KIAA1217: variants seen among roughly 807,000 people sequenced by gnomAD.
The protein encoded by KIAA1217 is KIAA1217, also known as sickle tail protein homolog.
Under a neutral mutation model 163.9 loss-of-function variants are expected in KIAA1217, and 88 were observed. The ratio of observed to expected loss-of-function variants is 0.54; its 90% CI spans 0.45 to 0.64. KIAA1217 has a LOEUF of 0.64. Ranked by LOEUF, KIAA1217 falls within the 30% of genes least tolerant of loss-of-function variation. The pLI, the probability that KIAA1217 is intolerant of heterozygous loss-of-function variation, is 0.00. For missense variants in KIAA1217, 2,372 were observed against 2,475.0 expected (o/e 0.96, Z 0.88); for synonymous variants, 903 against 923.1 (o/e 0.98, Z 0.39).
intron 2 of KIAA1217, among the ~76,000 whole-genome samples, chr10:24,023,994 C>A (rs1393746901): frequency 6.6e-6 from 1 of 151,242 alleles, no homozygotes; most frequent in Non-Finnish European, 1.5e-5. Context: ...AATGCTAGAG[C>A]CTTCTGAGAG....
intron 1 of KIAA1217, among the ~76,000 whole-genome samples, chr10:23,815,853 C>T (rs778098756): frequency 9.9e-5 from 15 of 152,050 alleles, no homozygotes; most frequent in Non-Finnish European, 1.3e-4. Context: ...TTAGTGGAGT[C>T]GATTCTTTTG....
intron 2 of KIAA1217, among the ~76,000 whole-genome samples, chr10:24,154,533 G>T (rs1434242949): frequency 1.3e-5 from 2 of 152,148 alleles, no homozygotes; most frequent in Admixed American, 6.5e-5. Flanking sequence ...ATTGTGTGAT[G>T]CTGCATACCT....
intron 17 of KIAA1217, among the ~76,000 whole-genome samples, chr10:24,539,646 G>A (rs1256405426): frequency 2.0e-5 from 3 of 152,158 alleles, no homozygotes; most frequent in Non-Finnish European, 4.4e-5. Context: ...TTTATTGAGT[G>A]CCCAACACTG....
chr10:23,982,462 A>G (rs1363477184), intron 1 of KIAA1217, among the ~76,000 whole-genome samples: 1 of 150,798 alleles, frequency 6.6e-6, no homozygotes, highest in African/African-American at 2.4e-5. Context: ...ATTTCCCTAA[A>G]GTCTTGTGTT....
At chr10:24,321,400 G>A (rs549801973) in intron 2 of KIAA1217, among the ~76,000 whole-genome samples, 4 of 152,084 alleles carry the variant, frequency 2.6e-5, no homozygotes, top group Non-Finnish European at 5.9e-5. Context: ...TTAACTGGGC[G>A]TAGTGGTGCA....
At chr10:24,422,193 A>C (rs554842679) in intron 3 of KIAA1217, among the ~76,000 whole-genome samples, 10 of 152,232 alleles carry the variant, frequency 6.6e-5, no homozygotes, top group African/African-American at 2.4e-4. Flanking sequence ...TGATTCAGTT[A>C]CCTCCCACCA....
chr10:23,800,948 C>T (rs980079427), intron 1 of KIAA1217, among the ~76,000 whole-genome samples: 3 of 152,076 alleles, frequency 2.0e-5, no homozygotes, highest in African/African-American at 7.2e-5. Context: ...CCGGAAATAC[C>T]ATTTGACCTA....
intron 2 of KIAA1217, among the ~76,000 whole-genome samples, chr10:24,107,101 G>A (rs919743304): frequency 2.0e-5 from 3 of 152,162 alleles, no homozygotes; most frequent in Non-Finnish European, 2.9e-5. Flanking sequence ...TGCACTCAGT[G>A]TTTAGCTCCC....
chr10:23,971,071 A>T (rs1234973301), intron 1 of KIAA1217, among the ~76,000 whole-genome samples: 2 of 152,218 alleles, frequency 1.3e-5, no homozygotes, highest in African/African-American at 4.8e-5. Context: ...AGGGTCTTAC[A>T]TGTTGGCATA....
chr10:23,795,757 G>A lies in KIAA1217; in HGVS notation c.-321+100523G>A, dbSNP rs144251841. Among the ~76,000 whole-genome samples the A allele has an allele frequency of 5.0e-3, 756 of 152,242 alleles. 4 individuals are homozygous for A. The highest frequency in any genetic ancestry group is 0.014 in the Middle Eastern group (4 of 294). ...AACAAAGAGTGGTAGTCAGAGTTCA[G>A]TCCATAGTTCCCCCTTTTCTGAGGT... is the stretch of plus-strand genomic sequence containing the variant. On this transcript the variant is annotated intron_variant, in intron 1 of 18. Transcript: ENST00000376462.
intron 1 of KIAA1217, among the ~76,000 whole-genome samples, chr10:23,849,370 GA>G (rs1839194318): frequency 6.6e-6 from 1 of 152,042 alleles, no homozygotes; most frequent in Admixed American, 6.6e-5. Flanking sequence ...TAGTTCTGGT[GA>G]AAAGTTCTTT....
intron 2 of KIAA1217, among the ~76,000 whole-genome samples, chr10:24,031,204 C>A (rs1156455046): frequency 6.6e-6 from 1 of 152,134 alleles, no homozygotes; most frequent in African/African-American, 2.4e-5. Context: ...TCTATTGTTT[C>A]TGTTTTTTGT....
intron 3 of KIAA1217, among the ~76,000 whole-genome samples, chr10:24,410,800 C>A (rs2057698491): frequency 6.6e-6 from 1 of 152,212 alleles, no homozygotes; most frequent in African/African-American, 2.4e-5. Context: ...ATTGCCCTTG[C>A]ATTTTGTTTT....
chr10:24,530,822 G>A (rs2073008449), intron 14 of KIAA1217, among the ~76,000 whole-genome samples: 1 of 152,178 alleles, frequency 6.6e-6, no homozygotes, highest in South Asian at 2.1e-4. Context: ...CTTGAGCCCA[G>A]GAGTTTGAGG....
intron 1 of KIAA1217, among the ~76,000 whole-genome samples, chr10:23,732,798 C>A (rs1838550477): frequency 6.6e-6 from 1 of 152,030 alleles, no homozygotes; most frequent in African/African-American, 2.4e-5. Context: ...CTAAGCATTA[C>A]TTTTGTTGTA....
Position 23,983,322 on chromosome 10 carries a change from G to C in KIAA1217, c.-320-23903G>C, listed in dbSNP as rs557983546. Among the ~76,000 whole-genome samples the C allele has an allele frequency of 2.2e-4, 33 of 152,276 alleles. 1 individual carries two copies. Among genetic ancestry groups the C allele is most frequent in the African/African-American group, 7.5e-4 (31 of 41,558 alleles). ...CACACTGTTACAAGGAAATACCTTA[G>C]ACTTGAAACTGGGTAATTTATCAAG... is the stretch of plus-strand genomic sequence containing the variant. On this transcript the variant is annotated intron_variant, in intron 1 of 18. Transcript: ENST00000376462.
chr10:24,470,130 G>A (rs963194329), intron 5 of KIAA1217, among the ~76,000 whole-genome samples: 4 of 152,228 alleles, frequency 2.6e-5, no homozygotes, highest in South Asian at 2.1e-4. Context: ...TCCGCTGCTC[G>A]CTGAGCCAGT....
intron 5 of KIAA1217, among the ~76,000 whole-genome samples, chr10:24,472,839 G>A (rs1278294395): frequency 2.0e-5 from 3 of 152,098 alleles, no homozygotes; most frequent in African/African-American, 7.2e-5. Context: ...GGAGGCTCCA[G>A]AGTGGGATCC....
chr10:23,915,355 G>T (rs142715205), intron 1 of KIAA1217, among the ~76,000 whole-genome samples: 9 of 152,042 alleles, frequency 5.9e-5, no homozygotes, highest in Admixed American at 1.3e-4. Flanking sequence ...AGGGAGATGT[G>T]GGGGGGAGGG....
Sources: allele counts gnomAD v4.1 joint callset (sites outside exome capture counted in the v4.1 genomes callset), GRCh38; gene constraint gnomAD v4.1.1; transcripts MANE v1.5; gene names NCBI Gene and HGNC (gene_info 2026-07-23, HGNC 2026-07-21).